The following PCDH9 variants were observed in gnomAD, a reference collection of about 807,000 sequenced individuals.
PCDH9 encodes protocadherin-9.
Under a neutral mutation model 70.6 loss-of-function variants are expected in PCDH9, and 24 were observed. The ratio of observed to expected loss-of-function variants is 0.34; its 90% CI spans 0.25 to 0.48. The LOEUF is 0.48. Among genes scored for constraint, PCDH9 ranks in the 20% least tolerant of loss-of-function variants. The pLI is 0.99. For missense variants in PCDH9, 1,281 were observed against 1,503.6 expected, an observed-to-expected ratio of 0.85 and a Z score of 2.45; for synonymous variants, 562 against 558.5, an observed-to-expected ratio of 1.01 and a Z score of -0.09.
chr13:66,608,959 G>T (rs2077256328), intron 4 of PCDH9, among the ~76,000 whole-genome samples: 1 of 152,132 alleles, frequency 6.6e-6, no homozygotes, highest in Admixed American at 6.5e-5. Context: ...ACCTCACACG[G>T]TCTCCTTTAC....
intron 4 of PCDH9, among the ~76,000 whole-genome samples, chr13:66,321,762 CT>C (rs1955759977): frequency 6.6e-6 from 1 of 151,922 alleles, no homozygotes; most frequent in Admixed American, 6.6e-5. Flanking sequence ...TTCTAATCCC[CT>C]ATAAGAGTTA....
Position 67,225,536 on chromosome 13 carries a change from A to G in PCDH9, c.2905T>C (p.Leu969=), listed in dbSNP as rs1169970255. The G allele has an allele frequency of 1.9e-6, 3 of 1,614,070 alleles. No individual in the cohort carries two copies. Among genetic ancestry groups the G allele is most frequent in the East Asian group, 2.2e-5 (1 of 44,864 alleles). ...CAACCCCCAACAAAGGTGTTGTCCAAAGGGAGTTCCTGAATCACGTGGTGC... is the reference window on the plus strand; with the variant it reads ...CAACCCCCAACAAAGGTGTTGTCCAGAGGGAGTTCCTGAATCACGTGGTGC... The part of the protein sequence containing the change: ...KKHHVIQELP[L]DNTFVGGCDT... The change falls in exon 2 of 5, where the codon TTG becomes CTG. Residue 969 remains leucine, a synonymous_variant. Transcript: ENST00000377865.
At chr13:66,956,101 A>G (rs1461501201) in intron 2 of PCDH9, among the ~76,000 whole-genome samples, 1 of 151,950 alleles carries the variant, frequency 6.6e-6, no homozygotes, top group East Asian at 1.9e-4. Flanking sequence ...AATAAAAACA[A>G]ACAAAAACAG....
At chr13:66,846,673 T>A (rs2081215833) in intron 3 of PCDH9, among the ~76,000 whole-genome samples, 1 of 152,110 alleles carries the variant, frequency 6.6e-6, no homozygotes, top group Non-Finnish European at 1.5e-5. Context: ...TAAGCTAGAG[T>A]CCCTTTGTAT....
At chr13:66,514,999 C>A (rs2138593486) in intron 4 of PCDH9, among the ~76,000 whole-genome samples, 1 of 152,120 alleles carries the variant, frequency 6.6e-6, no homozygotes. Flanking sequence ...CATCATAAAA[C>A]CATATTAGCT....
At chr13:66,647,554 T>C (rs1364026384) in intron 3 of PCDH9, among the ~76,000 whole-genome samples, 1 of 151,662 alleles carries the variant, frequency 6.6e-6, no homozygotes, top group East Asian at 2.0e-4. Flanking sequence ...GGTAGCCAGG[T>C]AGTACTCACC....
chr13:66,734,248 G>A (rs988742278), intron 3 of PCDH9, among the ~76,000 whole-genome samples: 2 of 152,194 alleles, frequency 1.3e-5, no homozygotes, highest in Non-Finnish European at 2.9e-5. Context: ...AAGCTTGGGT[G>A]AGCTTCCCTG....
chr13:66,307,265 G>T (rs1046425132), intron 4 of PCDH9, among the ~76,000 whole-genome samples: 3 of 151,948 alleles, frequency 2.0e-5, no homozygotes, highest in African/African-American at 7.2e-5. Context: ...AAAAAAAATG[G>T]CACATCGGTC....
chr13:66,875,413 A>G (rs553030430), intron 3 of PCDH9, among the ~76,000 whole-genome samples: 1 of 152,328 alleles, frequency 6.6e-6, no homozygotes, highest in African/African-American at 2.4e-5. Context: ...CTGTGGTAGG[A>G]AATTGTGCAT....
intron 3 of PCDH9, among the ~76,000 whole-genome samples, chr13:66,861,589 A>AT (rs1361158588): frequency 2.8e-4 from 43 of 152,160 alleles, no homozygotes; most frequent in African/African-American, 1.0e-3. Context: ...AGTTTAATAG[A>AT]TTTCATATTT....
At chr13:67,168,048 T>C (rs909970978) in intron 2 of PCDH9, among the ~76,000 whole-genome samples, 1 of 152,058 alleles carries the variant, frequency 6.6e-6, no homozygotes, top group Non-Finnish European at 1.5e-5. Context: ...AAATTAAAAA[T>C]GACAAACACA....
At chr13:66,755,789 A>T (rs188855762) in intron 3 of PCDH9, among the ~76,000 whole-genome samples, 57 of 152,310 alleles carry the variant, frequency 3.7e-4, no homozygotes, top group Non-Finnish European at 5.0e-4. Flanking sequence ...AGGATGAACA[A>T]AACAATGGAA....
chr13:66,661,555 T>C (rs752939521), intron 3 of PCDH9, among the ~76,000 whole-genome samples: 4 of 152,220 alleles, frequency 2.6e-5, no homozygotes, highest in Non-Finnish European at 5.9e-5. Flanking sequence ...GATTATACCA[T>C]GAAGTCATAG....
chr13:66,981,393 G>C (rs180987667), intron 2 of PCDH9, among the ~76,000 whole-genome samples: 11,457 of 147,618 alleles, frequency 0.078, 1,129 homozygotes, highest in African/African-American at 0.24. Flanking sequence ...AGCCGAGATC[G>C]TGCCACTGCA....
At chr13:66,613,872 A>T (rs538368169) in intron 4 of PCDH9, among the ~76,000 whole-genome samples, 1 of 152,210 alleles carries the variant, frequency 6.6e-6, no homozygotes, top group African/African-American at 2.4e-5. Flanking sequence ...TTTAAGAAAT[A>T]AAAACAACCC....
At chr13:66,488,329 C>T (rs1406333823) in intron 4 of PCDH9, among the ~76,000 whole-genome samples, 1 of 152,154 alleles carries the variant, frequency 6.6e-6, no homozygotes, top group African/African-American at 2.4e-5. Flanking sequence ...GATAATTCTA[C>T]TGCTAACAAA....
chr13:66,874,590 C>T (rs1032556633), intron 3 of PCDH9, among the ~76,000 whole-genome samples: 1 of 152,054 alleles, frequency 6.6e-6, no homozygotes, highest in Admixed American at 6.6e-5. Context: ...CTTGACATAG[C>T]TTTCACACAG....
intron 4 of PCDH9, among the ~76,000 whole-genome samples, chr13:66,365,642 G>A (rs554046819): frequency 2.6e-5 from 4 of 152,268 alleles, no homozygotes; most frequent in Admixed American, 1.3e-4. Flanking sequence ...AAGTTAAAAA[G>A]TAGAGAAAAG....
chr13:66,921,988 A>T (rs890776573), intron 2 of PCDH9, among the ~76,000 whole-genome samples: 1 of 151,344 alleles, frequency 6.6e-6, no homozygotes, highest in Admixed American at 6.6e-5. Context: ...GAACAAAAAA[A>T]GTTTATGAAA....
Sources: allele counts gnomAD v4.1 joint callset (sites outside exome capture counted in the v4.1 genomes callset), GRCh38; gene constraint gnomAD v4.1.1; transcripts MANE v1.5; gene names NCBI Gene and HGNC (gene_info 2026-07-23, HGNC 2026-07-21).